The following GRM7 variants were observed in gnomAD, a reference collection of about 807,000 sequenced individuals.
GRM7 encodes glutamate metabotropic receptor 7.
Under a neutral mutation model 84.5 loss-of-function variants are expected in GRM7, and 35 were observed. That is an observed-to-expected ratio of 0.41 (90% CI 0.32 to 0.55). GRM7 has a LOEUF of 0.55. Ranked by LOEUF, GRM7 falls within the 20% of genes least tolerant of loss-of-function variation. The pLI is 0.19. For synonymous variants in GRM7, 487 were observed against 455.1 expected, an observed-to-expected ratio of 1.07 and a Z score of -0.89; for missense variants, 1,003 against 1,194.6, an observed-to-expected ratio of 0.84 and a Z score of 2.36.
chr3:7,368,661 T>A (rs1473286865), intron 4 of GRM7, among the ~76,000 whole-genome samples: 3 of 152,108 alleles, frequency 2.0e-5, no homozygotes, highest in African/African-American at 7.2e-5. Flanking sequence ...TAGATCAATT[T>A]ACTTAAAATT....
At chr3:7,161,371 A>G (rs1231612286) in intron 2 of GRM7, among the ~76,000 whole-genome samples, 1 of 151,942 alleles carries the variant, frequency 6.6e-6, no homozygotes, top group Admixed American at 6.6e-5. Context: ...GCTAGTAGTT[A>G]AAAAGGTGTT....
chr3:7,727,734 C>G (rs1023412223), intron 9 of GRM7, among the ~76,000 whole-genome samples: 1 of 152,206 alleles, frequency 6.6e-6, no homozygotes, highest in Non-Finnish European at 1.5e-5. Flanking sequence ...CTTACTCCCT[C>G]TGTATCCCCA....
rs563082142 is a variant in GRM7 at position 7,101,090 on chromosome 3, T to C, written c.520-45362T>C. On this transcript the variant is annotated intron_variant, in intron 1 of 9. Coordinates refer to ENST00000357716, the MANE Select transcript of GRM7 (RefSeq NM_000844.4). ...CTGTACAAGTCTTTTTGTAGAGATA[T>C]GTTTTCATTTTTCTGGGAAAATTCT... Among the ~76,000 whole-genome samples the C allele has an allele frequency of 2.6e-5, 4 of 151,906 alleles. No homozygotes were observed. The South Asian group carries it at 8.3e-4, about 31-fold the overall frequency.
In GRM7 at chr3:7,649,259, C is replaced by T. The variant is rs184904257; in HGVS notation, c.2452-30790C>T. Among the ~76,000 whole-genome samples the T allele has an allele frequency of 4.7e-4, 72 of 151,972 alleles. 1 individual carries two copies. The highest frequency in any genetic ancestry group is 3.9e-3 in the East Asian group (20 of 5,112). On this transcript the variant is annotated intron_variant, in intron 8 of 9. Coordinates refer to ENST00000357716, the MANE Select transcript of GRM7 (RefSeq NM_000844.4). ...TAATTTTATGTATTTTTAGTAGAGA[C>T]GGGGTTTCACCGTGTTAGCCAGGAT...
Position 7,716,975 on chromosome 3 carries a change from T to C in GRM7, c.2699-23382T>C, listed in dbSNP as rs78925037. On this transcript the variant is annotated intron_variant, in intron 9 of 9. Coordinates refer to ENST00000357716, the MANE Select transcript of GRM7 (RefSeq NM_000844.4). ...TTTACTTGATGAGGCAGGCTGAGTG[T>C]TATCTATTTTTGCTCAGGTGGGAAT... Among the ~76,000 whole-genome samples the C allele has an allele frequency of 4.3e-3, 653 of 152,260 alleles. 13 individuals carry two copies. In the East Asian group the frequency reaches 0.08, roughly 19 times the overall value.
chr3:7,364,112 G>A (rs1693779463), intron 4 of GRM7, among the ~76,000 whole-genome samples: 1 of 151,890 alleles, frequency 6.6e-6, no homozygotes, highest in African/African-American at 2.4e-5. Context: ...GTATTAAAAT[G>A]TTCTACCTTG....
chr3:7,236,133 A>C (rs912251926), intron 2 of GRM7, among the ~76,000 whole-genome samples: 1 of 152,122 alleles, frequency 6.6e-6, no homozygotes, highest in Non-Finnish European at 1.5e-5. Context: ...TAAGGTCACT[A>C]ATACCATTTA....
At chr3:6,890,624 C>T (rs1289825802) in intron 1 of GRM7, among the ~76,000 whole-genome samples, 4 of 152,090 alleles carry the variant, frequency 2.6e-5, no homozygotes, top group Admixed American at 6.6e-5. Context: ...TGATCTTTTA[C>T]ATTTGCTGAG....
At chr3:6,971,978 C>T (rs922774062) in intron 1 of GRM7, among the ~76,000 whole-genome samples, 6 of 151,892 alleles carry the variant, frequency 4.0e-5, no homozygotes, top group African/African-American at 1.5e-4. Context: ...ATAATAATAG[C>T]AAATAATATT....
intron 2 of GRM7, among the ~76,000 whole-genome samples, chr3:7,174,118 G>A (rs1695069560): frequency 6.6e-6 from 1 of 152,146 alleles, no homozygotes; most frequent in South Asian, 2.1e-4. Flanking sequence ...AATAAGACTA[G>A]GGGTGGGAGT....
chr3:7,301,344 T>C (rs558382544), intron 3 of GRM7, among the ~76,000 whole-genome samples: 55 of 152,366 alleles, frequency 3.6e-4, no homozygotes, highest in African/African-American at 1.2e-3. Flanking sequence ...TTTAGGTTTC[T>C]ATGAGATTTT....
chr3:7,337,977 A>G (rs1701486206), intron 4 of GRM7, among the ~76,000 whole-genome samples: 1 of 152,036 alleles, frequency 6.6e-6, no homozygotes, highest in South Asian at 2.1e-4. Context: ...AAAATTCATA[A>G]TTGTAAAAAT....
At position 7,429,021 on chromosome 3, in the gene GRM7, T is replaced by C. The variant is rs368821659; in HGVS notation, c.1174+13858T>C. On this transcript the variant is annotated intron_variant, in intron 5 of 9. Coordinates refer to ENST00000357716, the MANE Select transcript of GRM7 (RefSeq NM_000844.4). Reference sequence around the variant, plus strand: ...GAATTGCTTTCTTGGGATGCATTTCTAGAAGTTGTTAAATGGAGTAGTAAA... The same window carrying C: ...GAATTGCTTTCTTGGGATGCATTTCCAGAAGTTGTTAAATGGAGTAGTAAA... Among the ~76,000 whole-genome samples the C allele has an allele frequency of 8.7e-4, 133 of 152,292 alleles. 5 individuals carry two copies. The South Asian group carries it at 0.026, about 30-fold the overall frequency.
At chr3:7,308,849 G>C (rs2125038217) in intron 4 of GRM7, among the ~76,000 whole-genome samples, 1 of 152,250 alleles carries the variant, frequency 6.6e-6, no homozygotes, top group Middle Eastern at 3.4e-3. Flanking sequence ...TGATATTTTA[G>C]GGAACTTACT....
chr3:7,681,391 T>G (rs181569474), intron 9 of GRM7: 1 of 152,372 alleles, frequency 6.6e-6, no homozygotes, highest in African/African-American at 2.4e-5. Context: ...GAGATATCTT[T>G]AATAAAAACC....
chr3:7,582,996 A>G (rs1695335610), intron 8 of GRM7, among the ~76,000 whole-genome samples: 1 of 152,212 alleles, frequency 6.6e-6, no homozygotes, highest in African/African-American at 2.4e-5. Flanking sequence ...CATCCTGTAA[A>G]TATTTACTTG....
chr3:7,706,508 CAATGAAAGCTG>C (rs1240038985), intron 9 of GRM7, among the ~76,000 whole-genome samples: 1 of 152,056 alleles, frequency 6.6e-6, no homozygotes, highest in African/African-American at 2.4e-5. Flanking sequence ...TCCGAAAATT[CAATGAAAGCTG>C]TTATACTAAC....
intron 1 of GRM7, among the ~76,000 whole-genome samples, chr3:7,127,829 C>T (rs1339644342): frequency 1.3e-5 from 2 of 151,950 alleles, no homozygotes; most frequent in Admixed American, 6.6e-5. Flanking sequence ...GATCGATTTT[C>T]AAATTTGGAA....
chr3:7,194,450 C>T (rs1028296829), intron 2 of GRM7, among the ~76,000 whole-genome samples: 3 of 152,130 alleles, frequency 2.0e-5, no homozygotes, highest in Admixed American at 2.0e-4. Context: ...TTCAAATATC[C>T]TATTCCTCCT....
Sources: gnomAD v4.1 joint callset for allele counts (sites outside exome capture counted in the v4.1 genomes callset) on GRCh38, gnomAD v4.1.1 for gene constraint, MANE v1.5 for transcripts, NCBI Gene and HGNC (gene_info 2026-07-23, HGNC 2026-07-21) for gene names.